Variants in SRCIN1 observed in about 807,000 individuals in gnomAD.
The protein encoded by SRCIN1 is P130Cas-associated protein.
A neutral mutation model predicts 116.2 loss-of-function variants in SRCIN1; 50 were observed. The observed-to-expected ratio is 0.43, with a 90% CI of 0.34 to 0.54. The LOEUF (loss-of-function observed/expected upper bound fraction) is 0.54, where lower values mean the gene tolerates loss of function less well. Among genes scored for constraint, SRCIN1 ranks in the 20% least tolerant of loss-of-function variants. SRCIN1 has a pLI of 0.02. For missense variants in SRCIN1, 1,446 were observed against 1,672.0 expected, an observed-to-expected ratio of 0.86 and a Z score of 2.36; for synonymous variants, 736 against 750.0, an observed-to-expected ratio of 0.98 and a Z score of 0.30.
chr17:38,589,847 C>T (rs1427252769), intron 1 of SRCIN1, among the ~76,000 whole-genome samples: 1 of 152,194 alleles, frequency 6.6e-6, no homozygotes, highest in Non-Finnish European at 1.5e-5. Context: ...ATTCTCTCTC[C>T]CTAGGGACAC....
Position 38,568,087 on chromosome 17 carries a change from G to T in SRCIN1, c.345+124C>A. ...ACAGCCTGCAGCCCCGAGGCCCACC[G>T]CCCATACCAGAAGGTGTCCGTGCAG... On this transcript the variant is annotated intron_variant, in intron 3 of 18. Coordinates refer to ENST00000617146, the MANE Select transcript of SRCIN1 (RefSeq NM_025248.3). The surrounding 1 kb of genome is among the most constrained non-coding windows in gnomAD (Gnocchi z 4.5). 3.3e-6 allele frequency: 4 copies of T among 1,214,416 alleles called. No homozygotes were observed. The highest frequency in any genetic ancestry group is 4.8e-6 in the Non-Finnish European group (4 of 838,354). 75.2% of individuals were successfully genotyped at this position (1,214,416 alleles called of 1,614,324 possible).
chr17:38,560,477 C>T, intron 7 of SRCIN1, 52 bp from the exon 8 acceptor site: 2 of 1,441,960 alleles, frequency 1.4e-6, no homozygotes, highest in Non-Finnish European at 1.9e-6. Context: ...AGGGTCTCTC[C>T]TGCCCAGCCC....
rs1249897107 is a variant in SRCIN1, at chr17:38,531,291, C to T, written c.*2006G>A. On this transcript the variant is annotated 3_prime_UTR_variant, in exon 19 of 19. Coordinates refer to ENST00000617146, the MANE Select transcript of SRCIN1 (RefSeq NM_025248.3). ...GGGTCTCTGTACAGCCAAATCAAAC[C>T]AGACCATTTCACTGGGACCACAGAA... 1 of 152,154 alleles carries T rather than the reference C, an allele frequency of 6.6e-6. No individual in the cohort carries two copies. Among genetic ancestry groups the T allele is most frequent in the Non-Finnish European group, 1.5e-5 (1 of 67,900 alleles). The allele number at this position is 152,154 out of a possible 1,614,324, so 9.4% of individuals were successfully genotyped here.
chr17:38,580,103 C>T (rs529818130), intron 1 of SRCIN1, among the ~76,000 whole-genome samples: 3 of 152,292 alleles, frequency 2.0e-5, no homozygotes, highest in Admixed American at 6.5e-5. Context: ...CAGCCCAGGG[C>T]AACAGGGGAC....
rs1225659560 is a variant in SRCIN1 at position 38,568,269 on chromosome 17, G to T, written c.325-38C>A. 6.2e-7 allele frequency: 1 copy of T among 1,608,990 alleles called. No individual in the cohort carries two copies. Among genetic ancestry groups the T allele is most frequent in the East Asian group, 2.2e-5 (1 of 44,814 alleles). The stretch of plus-strand genomic sequence containing the variant: ...ATAAGAGAAGAGATGGTTATGAGGG[G>T]GCCCAGGAGGGGAAAAGAGGGGCAG... On this transcript the variant is annotated intron_variant, in intron 2 of 18. Transcript: ENST00000617146. The surrounding 1 kb of genome is among the most constrained non-coding windows in gnomAD (Gnocchi z 4.5).
intron 17 of SRCIN1, chr17:38,546,661 A>C (rs548140614): frequency 1.3e-5 from 2 of 152,684 alleles, no homozygotes; most frequent in African/African-American, 4.8e-5. Flanking sequence ...GGGCATGGCC[A>C]GCCCAGGAGG....
At position 38,531,242 on chromosome 17, in the gene SRCIN1, T is replaced by G. The variant is rs1001371156; in HGVS notation, c.*2055A>C. The G allele has an allele frequency of 1.3e-5, 2 of 149,006 alleles. No homozygotes were observed. Among genetic ancestry groups the G allele is most frequent in the Non-Finnish European group, 3.0e-5 (2 of 67,208 alleles). The allele number at this position is 149,006 out of a possible 1,614,324, so 9.2% of individuals were successfully genotyped here. A position where few individuals can be genotyped will look rare whatever the true frequency, so the allele number is the denominator to read the frequency against. ...GAGTGGAGGGAGGAGGGGGCACCAC[T>G]CCCCCCTCCCCTCCCAAGTCAGGGG... On this transcript the variant is annotated 3_prime_UTR_variant, in exon 19 of 19. Coordinates refer to ENST00000617146, the MANE Select transcript of SRCIN1 (RefSeq NM_025248.3).
In SRCIN1 at chr17:38,568,886, A is replaced by G. The variant is rs1353204833; in HGVS notation, c.325-655T>C. On this transcript the variant is annotated intron_variant, in intron 2 of 18. Coordinates refer to ENST00000617146, the MANE Select transcript of SRCIN1 (RefSeq NM_025248.3). This position sits in a 1 kb window ranked among gnomAD's most constrained non-coding sequence, Gnocchi z 4.5. ...AATGGAGCAGAGTGGGATCAGAACT[A>G]GACCCCGGGGCAGAGGTGGATGGGG... 6.6e-6 allele frequency among the ~76,000 whole-genome samples: 1 copy of G among 150,494 alleles called. No homozygotes were observed. Among genetic ancestry groups the G allele is most frequent in the Non-Finnish European group, 1.5e-5 (1 of 67,798 alleles).
intron 1 of SRCIN1, among the ~76,000 whole-genome samples, chr17:38,596,235 T>G (rs1486557343): frequency 6.6e-6 from 1 of 151,680 alleles, no homozygotes; most frequent in East Asian, 1.9e-4. Context: ...GCTCCCAAAG[T>G]GGGCTAGGTC....
chr17:38,606,047 G>A (rs1182219697), upstream of SRCIN1: 3 of 146,028 alleles, frequency 2.1e-5, no homozygotes, highest in Non-Finnish European at 3.0e-5. The surrounding 1 kb of genome is among the most constrained non-coding windows in gnomAD (Gnocchi z 5.2). Flanking sequence ...AGGGCCGCCC[G>A]GGGCGGCGGG....
chr17:38,536,415 A>T (rs982863722), intron 18 of SRCIN1, among the ~76,000 whole-genome samples: 1 of 152,258 alleles, frequency 6.6e-6, no homozygotes, highest in East Asian at 1.9e-4. Context: ...GTGGCAAGGC[A>T]GAAACCTCAC....
Position 38,544,002 on chromosome 17 carries a change from A to G in SRCIN1, c.3271-33T>C, listed in dbSNP as rs1904922100. On this transcript the variant is annotated intron_variant, in intron 17 of 18. Coordinates refer to ENST00000617146, the MANE Select transcript of SRCIN1 (RefSeq NM_025248.3). This position sits in a 1 kb window ranked among gnomAD's most constrained non-coding sequence, Gnocchi z 4.5. The stretch of plus-strand genomic sequence containing the variant: ...AAGAGGAACAGGGTTGCAGTTGCAG[A>G]GTCCACATGGGGTGAATCACACAGG... The G allele has an allele frequency of 6.4e-7, 1 of 1,551,730 alleles. No individual in the cohort carries two copies. The highest frequency in any genetic ancestry group is 2.4e-5 in the East Asian group (1 of 42,390).
At position 38,562,049 on chromosome 17, in the gene SRCIN1, G is replaced by A. The variant is rs1906295663; in HGVS notation, c.1114C>T (p.Arg372Cys). 4 of 1,489,554 alleles carry A rather than the reference G, an allele frequency of 2.7e-6. No individual in the cohort carries two copies. The highest frequency in any genetic ancestry group is 1.5e-5 in the African/African-American group (1 of 68,532). 92.3% of individuals were successfully genotyped at this position (1,489,554 alleles called of 1,614,324 possible). ...AGGTCCTCGTCCGGCTTCACGTCGC[G>A]CCGCTCCAGGATGGCGCTGGGGCTG... ...SPSPSAILER[R>C]DVKPDEDLAS... is the part of the protein sequence containing the mutation. Residue 372 changes from arginine (R) to cysteine (C), a missense_variant, in exon 7 of 19, where the codon CGC (arginine) becomes TGC (cysteine). Transcript: ENST00000617146. This position sits in a 1 kb window ranked among gnomAD's most constrained non-coding sequence, Gnocchi z 4.2.
intron 18 of SRCIN1, among the ~76,000 whole-genome samples, chr17:38,537,104 G>T (rs943254687): frequency 2.0e-5 from 3 of 152,108 alleles, no homozygotes; most frequent in Admixed American, 2.0e-4. Context: ...CTTGAATCAG[G>T]GAGGTGGAGG....
At position 38,533,104 on chromosome 17, in the gene SRCIN1, A is replaced by C. The variant is rs2040945406; in HGVS notation, c.*193T>G. On this transcript the variant is annotated 3_prime_UTR_variant, in exon 19 of 19. Coordinates refer to ENST00000617146, the MANE Select transcript of SRCIN1 (RefSeq NM_025248.3). ...ATTAAAAGTTAATTGTTAAAAAAAA[A>C]AAAAAAAACAAAACCAAAAACACCA... 1.4e-5 allele frequency: 6 copies of C among 425,702 alleles called. No individual in the cohort carries two copies. Among genetic ancestry groups the C allele is most frequent in the East Asian group, 8.5e-5 (2 of 23,412 alleles). The allele number at this position is 425,702 out of a possible 1,614,324, so 26.4% of individuals were successfully genotyped here.
intron 1 of SRCIN1, 118 bp from the exon 2 acceptor site, chr17:38,578,909 C>A (rs956665725): frequency 9.9e-6 from 12 of 1,212,934 alleles, no homozygotes; most frequent in Non-Finnish European, 1.2e-5. Flanking sequence ...AGTGGAGAGG[C>A]GCCCGGGGAG....
At position 38,561,573 on chromosome 17, in the gene SRCIN1, C is replaced by G. The variant is rs201711354; in HGVS notation, c.1590G>C (p.Ala530=). 1,092 of 1,601,772 alleles carry G rather than the reference C, an allele frequency of 6.8e-4. 8 individuals are homozygous for G. In the African/African-American group the frequency reaches 0.014, roughly 20 times the overall value. ...AESPGGKTRS[A]GSASTAGAPP... The stretch of plus-strand genomic sequence containing the variant: ...GAGCTCCGGCCGTCGAGGCGCTCCC[C>G]GCGCTGCGGGTCTTCCCTCCAGGAC... Residue 530 remains alanine (A), a synonymous_variant, in exon 7 of 19, where the codon GCG becomes GCC. Transcript: ENST00000617146.
intron 2 of SRCIN1, 46 bp downstream of exon 2, chr17:38,578,444 C>T (rs1907554645): frequency 1.3e-6 from 2 of 1,529,668 alleles, no homozygotes; most frequent in Non-Finnish European, 1.8e-6. Context: ...CTCCCCTGCC[C>T]GCTGGCCGCG....
rs1408375279 is a variant in SRCIN1, at chr17:38,530,811, G to A, written c.*2486C>T. Reference sequence around the variant, plus strand: ...CTCACGCTAACATGCAGGTAGGCACGTGCCAATGCCCAAACAGGTTACATG... The same window carrying A: ...CTCACGCTAACATGCAGGTAGGCACATGCCAATGCCCAAACAGGTTACATG... On this transcript the variant is annotated 3_prime_UTR_variant, in exon 19 of 19. Transcript: ENST00000617146. The A allele has an allele frequency of 1.3e-5, 2 of 152,276 alleles. No individual in the cohort carries two copies. Among genetic ancestry groups the A allele is most frequent in the Admixed American group, 1.3e-4 (2 of 15,284 alleles). The allele number at this position is 152,276 out of a possible 1,614,324, so 9.4% of individuals were successfully genotyped here. A position where few individuals can be genotyped will look rare whatever the true frequency, so the allele number is the denominator to read the frequency against.
Sources: allele counts gnomAD v4.1 joint callset (sites outside exome capture counted in the v4.1 genomes callset), GRCh38; gene constraint gnomAD v4.1.1; non-coding constraint Gnocchi (gnomAD v3.1); transcripts MANE v1.5; gene names NCBI Gene and HGNC (gene_info 2026-07-23, HGNC 2026-07-21).